LRBA: variants seen among roughly 807,000 people sequenced by gnomAD.
The protein encoded by LRBA is LPS responsive beige-like anchor protein, also known as lipopolysaccharide-responsive and beige-like anchor protein.
In LRBA, 176 loss-of-function variants were observed where a neutral mutation model predicts 330.0. The observed-to-expected ratio is 0.53, with a 90% CI of 0.47 to 0.60. The LOEUF (loss-of-function observed/expected upper bound fraction) is 0.60, where lower values mean the gene tolerates loss of function less well. Ranked by LOEUF, LRBA falls within the 20% of genes least tolerant of loss-of-function variation. The pLI is 0.00. For missense variants in LRBA, 3,259 were observed against 3,444.8 expected (o/e 0.95, Z 1.35); for synonymous variants, 1,230 against 1,193.0 (o/e 1.03, Z -0.64).
chr4:150,572,944 T>C (rs1354547291), intron 40 of LRBA, among the ~76,000 whole-genome samples: 4 of 152,166 alleles, frequency 2.6e-5, no homozygotes, highest in Non-Finnish European at 5.9e-5. Flanking sequence ...TCAGCTCCTG[T>C]CTAGGGTCAG....
chr4:150,749,081 G>A (rs1359104825), intron 35 of LRBA, among the ~76,000 whole-genome samples: 1 of 151,992 alleles, frequency 6.6e-6, no homozygotes, highest in Non-Finnish European at 1.5e-5. Context: ...CAGAGACTAA[G>A]GCACTTACCT....
At chr4:150,485,138 A>G (rs1427083327) in intron 42 of LRBA, among the ~76,000 whole-genome samples, 1 of 151,980 alleles carries the variant, frequency 6.6e-6, no homozygotes, top group Non-Finnish European at 1.5e-5. Context: ...ACACAGATCA[A>G]GGTGGTTAAT....
Position 150,637,841 on chromosome 4 carries a change from T to A in LRBA, c.5922-38710A>T, listed in dbSNP as rs76885422. Among the ~76,000 whole-genome samples the A allele has an allele frequency of 4.2e-3, 636 of 152,280 alleles. 4 individuals carry two copies. The highest frequency in any genetic ancestry group is 0.014 in the African/African-American group (572 of 41,556). On this transcript the variant is annotated intron_variant, in intron 37 of 56. Transcript: ENST00000651943. The stretch of plus-strand genomic sequence containing the variant: ...TGCCTGGATTCTTGACCCATTGCAC[T>A]ATGAAATAATAAGTGCATGACGTGT...
chr4:150,921,135 T>G (rs1249021638), intron 5 of LRBA, 63 bp downstream of exon 5: 1 of 1,070,598 alleles, frequency 9.3e-7, no homozygotes, highest in Admixed American at 1.7e-5. Flanking sequence ...TTCACAGGGC[T>G]GTACTTTCAG....
intron 42 of LRBA, among the ~76,000 whole-genome samples, chr4:150,476,103 G>A (rs1005789485): frequency 6.6e-6 from 1 of 151,972 alleles, no homozygotes. Flanking sequence ...ATGTTTCATT[G>A]ATTTTTGTTA....
At chr4:150,615,086 A>C (rs1775640602) in intron 37 of LRBA, among the ~76,000 whole-genome samples, 1 of 152,240 alleles carries the variant, frequency 6.6e-6, no homozygotes, top group African/African-American at 2.4e-5. Context: ...AGATATCTTA[A>C]AGCAAAAGGA....
intron 36 of LRBA, among the ~76,000 whole-genome samples, chr4:150,718,617 G>A (rs1161106655): frequency 2.6e-5 from 4 of 152,122 alleles, no homozygotes; most frequent in Non-Finnish European, 5.9e-5. Flanking sequence ...TGACTCTGAT[G>A]TAGAAGAGAT....
At chr4:150,936,570 AC>A (rs1229691020) in intron 2 of LRBA, among the ~76,000 whole-genome samples, 1 of 152,062 alleles carries the variant, frequency 6.6e-6, no homozygotes, top group Admixed American at 6.6e-5. Context: ...CTAAGGCCAT[AC>A]AAAACTAGTA....
intron 35 of LRBA, among the ~76,000 whole-genome samples, chr4:150,757,764 C>G (rs1287265363): frequency 1.3e-5 from 2 of 152,104 alleles, no homozygotes; most frequent in Non-Finnish European, 2.9e-5. Flanking sequence ...ATATTCTACA[C>G]TGTAAATAAA....
intron 20 of LRBA, among the ~76,000 whole-genome samples, chr4:150,870,236 A>G (rs886604534): frequency 1.3e-5 from 2 of 152,232 alleles, no homozygotes; most frequent in African/African-American, 2.4e-5. Flanking sequence ...TCTGCCTGAC[A>G]TCACTAAATA....
At chr4:150,756,236 A>C (rs1312516397) in intron 35 of LRBA, among the ~76,000 whole-genome samples, 1 of 152,208 alleles carries the variant, frequency 6.6e-6, no homozygotes, top group Non-Finnish European at 1.5e-5. Flanking sequence ...GTCTCAGAAC[A>C]GCTGACTTGA....
intron 36 of LRBA, among the ~76,000 whole-genome samples, chr4:150,728,074 T>C (rs1729940907): frequency 6.6e-6 from 1 of 152,164 alleles, no homozygotes; most frequent in South Asian, 2.1e-4. Context: ...GTGGCTACTA[T>C]GAGCAACTAT....
At chr4:150,505,906 T>C (rs970198857) in intron 40 of LRBA, among the ~76,000 whole-genome samples, 1 of 152,102 alleles carries the variant, frequency 6.6e-6, no homozygotes, top group Non-Finnish European at 1.5e-5. Flanking sequence ...TCACCACCGA[T>C]CCCACAGAAA....
At chr4:150,486,423 A>G (rs796395599) in intron 42 of LRBA, among the ~76,000 whole-genome samples, 33 of 151,944 alleles carry the variant, frequency 2.2e-4, no homozygotes, top group African/African-American at 7.9e-4. Flanking sequence ...GACATTGGTC[A>G]TAAAACTTGA....
At chr4:150,897,901 C>T (rs944740296) in intron 14 of LRBA, 83 bp from the exon 15 acceptor site, 14 of 882,524 alleles carry the variant, frequency 1.6e-5, no homozygotes, top group Non-Finnish European at 2.4e-5. Context: ...TTCCCAACAG[C>T]TTTTCCATGT....
chr4:150,552,698 G>A (rs936276216), intron 40 of LRBA, among the ~76,000 whole-genome samples: 3 of 152,084 alleles, frequency 2.0e-5, no homozygotes, highest in African/African-American at 7.3e-5. Flanking sequence ...ACATGCACAC[G>A]TATGTTTACT....
At chr4:150,601,342 T>C (rs1774091047) in intron 37 of LRBA, among the ~76,000 whole-genome samples, 1 of 152,164 alleles carries the variant, frequency 6.6e-6, no homozygotes, top group Admixed American at 6.5e-5. Context: ...TCTACTATAA[T>C]GCACCACAGT....
At chr4:150,351,561 C>A (rs991337247) in intron 47 of LRBA, among the ~76,000 whole-genome samples, 1 of 151,966 alleles carries the variant, frequency 6.6e-6, no homozygotes, top group Non-Finnish European at 1.5e-5. Flanking sequence ...TGGTGGCGGG[C>A]GCCTGTAGTC....
At chr4:150,786,721 A>G (rs1359870587) in intron 34 of LRBA, among the ~76,000 whole-genome samples, 4 of 152,000 alleles carry the variant, frequency 2.6e-5, no homozygotes, top group African/African-American at 9.7e-5. Context: ...TGTTTAAAAA[A>G]CCCTAGTCTC....
Sources: allele counts gnomAD v4.1 joint callset (sites outside exome capture counted in the v4.1 genomes callset), GRCh38; gene constraint gnomAD v4.1.1; transcripts MANE v1.5; gene names NCBI Gene and HGNC (gene_info 2026-07-23, HGNC 2026-07-21).